The following CAMK4 variants were observed in gnomAD, a reference collection of about 807,000 sequenced individuals.
CAMK4 encodes calcium/calmodulin dependent protein kinase IV.
Under a neutral mutation model 44.9 loss-of-function variants are expected in CAMK4, and 22 were observed. The observed-to-expected ratio is 0.49, with a 90% CI of 0.35 to 0.70. The LOEUF (loss-of-function observed/expected upper bound fraction) is 0.70. Among genes scored for constraint, CAMK4 ranks in the 30% least tolerant of loss-of-function variants. The pLI is 0.01. For synonymous variants in CAMK4, 218 were observed against 215.4 expected, an observed-to-expected ratio of 1.01 and a Z score of -0.11; for missense variants, 498 against 586.8, an observed-to-expected ratio of 0.85 and a Z score of 1.56.
chr5:111,227,008 A>G (rs947594253), intron 1 of CAMK4, among the ~76,000 whole-genome samples: 7 of 152,222 alleles, frequency 4.6e-5, no homozygotes, highest in African/African-American at 1.7e-4. Context: ...GAGGAACAAT[A>G]AAAGCTAAAA....
At chr5:111,471,888 CTTAT>C (rs71626645) in intron 7 of CAMK4, among the ~76,000 whole-genome samples, 1 of 150,186 alleles carries the variant, frequency 6.7e-6, no homozygotes, top group Non-Finnish European at 1.5e-5. Context: ...CCAGAGCTCA[CTTAT>C]TTATTTATTT....
intron 5 of CAMK4, among the ~76,000 whole-genome samples, chr5:111,439,112 C>A (rs114924816): frequency 0.011 from 1,729 of 152,250 alleles, 21 homozygotes; most frequent in African/African-American, 0.022. Context: ...AGGGTATCTT[C>A]CTCGCCCCTC....
intron 1 of CAMK4, among the ~76,000 whole-genome samples, chr5:111,273,179 A>T (rs935094322): frequency 4.6e-5 from 7 of 152,176 alleles, no homozygotes; most frequent in Non-Finnish European, 8.8e-5. Context: ...CTCATTAATT[A>T]CTTTCTATAT....
intron 1 of CAMK4, among the ~76,000 whole-genome samples, chr5:111,295,469 A>T (rs1747444359): frequency 1.3e-5 from 2 of 152,344 alleles, no homozygotes; most frequent in South Asian, 4.1e-4. Context: ...CCTAAGAATT[A>T]TCAGTTTATC....
chr5:111,308,472 T>C (rs906720722), intron 1 of CAMK4, among the ~76,000 whole-genome samples: 1 of 152,196 alleles, frequency 6.6e-6, no homozygotes, highest in Admixed American at 6.5e-5. Context: ...ATTAATTCCC[T>C]TTACTGTAGT....
chr5:111,437,284 A>G lies in CAMK4; in HGVS notation c.460-9402A>G, dbSNP rs376425530. On this transcript the variant is annotated intron_variant, in intron 5 of 10. Coordinates refer to ENST00000282356, the MANE Select transcript of CAMK4 (RefSeq NM_001744.6). ...ATATTTTAACTTCTATTACAAATGAATAACAACAAATGAATAAAAGGTCTA... is the reference window on the plus strand; with the variant it reads ...ATATTTTAACTTCTATTACAAATGAGTAACAACAAATGAATAAAAGGTCTA... Among the ~76,000 whole-genome samples, 101 of 152,394 alleles carry G rather than the reference A, an allele frequency of 6.6e-4. 2 individuals are homozygous for G. The South Asian group carries it at 0.017, about 26-fold the overall frequency.
chr5:111,475,471 A>G (rs1408749592), intron 8 of CAMK4, among the ~76,000 whole-genome samples: 1 of 152,250 alleles, frequency 6.6e-6, no homozygotes, highest in Admixed American at 6.5e-5. Context: ...GAAGGGAAAA[A>G]TATAATTACT....
At chr5:111,428,785 T>C (rs1287394547) in intron 5 of CAMK4, among the ~76,000 whole-genome samples, 1 of 152,092 alleles carries the variant, frequency 6.6e-6, no homozygotes, top group Non-Finnish European at 1.5e-5. Flanking sequence ...GAGATATGGG[T>C]AGAAAGTTTA....
intron 1 of CAMK4, among the ~76,000 whole-genome samples, chr5:111,259,371 T>C (rs1256236697): frequency 6.6e-6 from 1 of 152,210 alleles, no homozygotes; most frequent in Non-Finnish European, 1.5e-5. Flanking sequence ...AAAACAATAG[T>C]TTTCTCAGTG....
At chr5:111,405,904 C>G (rs1752407509) in intron 5 of CAMK4, among the ~76,000 whole-genome samples, 1 of 152,112 alleles carries the variant, frequency 6.6e-6, no homozygotes, top group South Asian at 2.1e-4. Flanking sequence ...CTCAAAATTT[C>G]CCTTAGATCT....
chr5:111,316,055 T>C (rs1748408341), intron 1 of CAMK4, among the ~76,000 whole-genome samples: 1 of 152,136 alleles, frequency 6.6e-6, no homozygotes, highest in African/African-American at 2.4e-5. Flanking sequence ...TTCAGGGAAC[T>C]CAAATTATTT....
intron 2 of CAMK4, among the ~76,000 whole-genome samples, chr5:111,363,241 A>C (rs1750664535): frequency 6.6e-6 from 1 of 152,114 alleles, no homozygotes; most frequent in Admixed American, 6.6e-5. Context: ...ACTGGTGTCA[A>C]TAACATGAAA....
At position 111,488,492 on chromosome 5, in the gene CAMK4, T is replaced by C. The variant is rs746857511; in HGVS notation, c.*4026T>C. 4 of 152,234 alleles carry C rather than the reference T, an allele frequency of 2.6e-5. No homozygotes were observed. Among genetic ancestry groups the C allele is most frequent in the Non-Finnish European group, 5.9e-5 (4 of 68,038 alleles). 9.4% of individuals were successfully genotyped at this position (152,234 alleles called of 1,614,324 possible). A position where few individuals can be genotyped will look rare whatever the true frequency, so the allele number is the denominator to read the frequency against. ...CTTCAATTTCATAGTATTTTAAACA[T>C]ATTTTGTAATTCAGAATGTTTAGCA... On this transcript the variant is annotated 3_prime_UTR_variant, in exon 11 of 11. Coordinates refer to ENST00000282356, the MANE Select transcript of CAMK4 (RefSeq NM_001744.6).
At chr5:111,372,965 T>G (rs1396590814) in intron 2 of CAMK4, among the ~76,000 whole-genome samples, 2 of 152,188 alleles carry the variant, frequency 1.3e-5, no homozygotes, top group Non-Finnish European at 2.9e-5. Context: ...GTACAGATCA[T>G]ATATTCATCC....
At chr5:111,406,127 A>G (rs1052153743) in intron 5 of CAMK4, among the ~76,000 whole-genome samples, 9 of 145,126 alleles carry the variant, frequency 6.2e-5, no homozygotes, top group African/African-American at 1.8e-4. Flanking sequence ...ATTCTCTTCT[A>G]TCTGGTCTAG....
chr5:111,431,153 C>A (rs1028888138), intron 5 of CAMK4, among the ~76,000 whole-genome samples: 1 of 151,844 alleles, frequency 6.6e-6, no homozygotes, highest in Admixed American at 6.6e-5. Flanking sequence ...CTATAGTGAC[C>A]AAAACAGACA....
chr5:111,465,401 A>G (rs1475139118), intron 7 of CAMK4, among the ~76,000 whole-genome samples: 2 of 152,172 alleles, frequency 1.3e-5, no homozygotes, highest in Admixed American at 6.5e-5. Context: ...ATTACAAAAA[A>G]TAAATGAAAC....
At chr5:111,266,431 T>G (rs1374300430) in intron 1 of CAMK4, among the ~76,000 whole-genome samples, 1 of 152,210 alleles carries the variant, frequency 6.6e-6, no homozygotes, top group Admixed American at 6.5e-5. Flanking sequence ...CTCAGGTATT[T>G]AAAAGCATTT....
rs570857490 is a variant in CAMK4, at chr5:111,337,503, A to G, written c.162-6521A>G. On this transcript the variant is annotated intron_variant, in intron 1 of 10. Transcript: ENST00000282356. ...GTTTCAGTTGCTTTGCATCCTTGCC[A>G]GCCTTTTTTTTTTTTTTTAGGTCAT... Among the ~76,000 whole-genome samples, 117 of 145,832 alleles carry G rather than the reference A, an allele frequency of 8.0e-4. 2 individuals are homozygous for G. The East Asian group carries it at 0.022, about 28-fold the overall frequency.
Sources: allele counts gnomAD v4.1 joint callset (sites outside exome capture counted in the v4.1 genomes callset), GRCh38; gene constraint gnomAD v4.1.1; transcripts MANE v1.5; gene names NCBI Gene and HGNC (gene_info 2026-07-23, HGNC 2026-07-21).